Variants in GGNBP2 observed in about 807,000 individuals in gnomAD.
GGNBP2 encodes the protein gametogenetin-binding protein 2.
In GGNBP2, 10 loss-of-function variants were observed where a neutral mutation model predicts 85.9. The observed-to-expected ratio is 0.12, with a 90% CI of 0.07 to 0.20. The LOEUF is 0.20. Among genes scored for constraint, GGNBP2 ranks in the 10% least tolerant of loss-of-function variants. GGNBP2 has a pLI of 1.00. For synonymous variants in GGNBP2, 287 were observed against 285.7 expected, an observed-to-expected ratio of 1.00 and a Z score of -0.05; for missense variants, 595 against 857.8, an observed-to-expected ratio of 0.69 and a Z score of 3.83.
At chr17:36,548,887 G>A (rs1361928587) in intron 2 of GGNBP2, among the ~76,000 whole-genome samples, 1 of 151,938 alleles carries the variant, frequency 6.6e-6, no homozygotes, top group Non-Finnish European at 1.5e-5. Context: ...GGAGGTTGCA[G>A]TGAGCCAAGA....
At chr17:36,546,066 C>T (rs2074251426) in intron 2 of GGNBP2, 1 of 477,594 alleles carries the variant, frequency 2.1e-6, no homozygotes, top group South Asian at 3.9e-5. Context: ...AACCTTATTC[C>T]TTGACCCTTT....
At chr17:36,569,933 A>G (rs2074506572) in intron 6 of GGNBP2, among the ~76,000 whole-genome samples, 1 of 152,332 alleles carries the variant, frequency 6.6e-6, no homozygotes, top group South Asian at 2.1e-4. Context: ...CATTTTACAG[A>G]TATCTTAACG....
Position 36,545,710 on chromosome 17 carries a change from G to A in GGNBP2, c.-15G>A, listed in dbSNP as rs778076105. The stretch of plus-strand genomic sequence containing the variant: ...GGAGGAGGTGGTGACGGTGGCAACG[G>A]CAGCGTCGGGGACGATGGCGCGACT... On this transcript the variant is annotated 5_prime_UTR_variant, in exon 2 of 14. Transcript: ENST00000613102. 3 of 1,558,250 alleles carry A rather than the reference G, an allele frequency of 1.9e-6. No homozygotes were observed. Among genetic ancestry groups the A allele is most frequent in the South Asian group, 2.4e-5 (2 of 84,814 alleles).
intron 4 of GGNBP2, among the ~76,000 whole-genome samples, chr17:36,558,724 C>G (rs942814706): frequency 6.6e-6 from 1 of 151,042 alleles, no homozygotes; most frequent in Non-Finnish European, 1.5e-5. Flanking sequence ...CCAAAGTGCT[C>G]GGATTACAGG....
At chr17:36,579,512 TC>T in intron 8 of GGNBP2, 93 bp downstream of exon 8, 1 of 1,053,568 alleles carries the variant, frequency 9.5e-7, no homozygotes, top group Non-Finnish European at 1.4e-6. Context: ...AAAAGGACTG[TC>T]CATCACTGAT....
chr17:36,560,169 G>T (rs950400403), intron 4 of GGNBP2, among the ~76,000 whole-genome samples: 1 of 151,830 alleles, frequency 6.6e-6, no homozygotes, highest in East Asian at 1.9e-4. Flanking sequence ...TGTTACCCAG[G>T]CTGGCTTTGA....
intron 6 of GGNBP2, among the ~76,000 whole-genome samples, chr17:36,575,897 T>G (rs1387585274): frequency 6.7e-6 from 1 of 150,030 alleles, no homozygotes; most frequent in Non-Finnish European, 1.5e-5. Flanking sequence ...TCCACCCGCC[T>G]TTGCCTCCCA....
At chr17:36,566,335 G>A (rs1001290278) in intron 5 of GGNBP2, among the ~76,000 whole-genome samples, 1 of 152,142 alleles carries the variant, frequency 6.6e-6, no homozygotes, top group African/African-American at 2.4e-5. Flanking sequence ...GTTGGGGAGG[G>A]AGAGTGGGAA....
Position 36,589,709 on chromosome 17 carries a change from T to C in GGNBP2, c.*298T>C, listed in dbSNP as rs779306471. 3 of 396,122 alleles carry C rather than the reference T, an allele frequency of 7.6e-6. No individual in the cohort carries two copies. The highest frequency in any genetic ancestry group is 4.5e-6 in the Non-Finnish European group (1 of 220,412). 24.5% of individuals were successfully genotyped at this position (396,122 alleles called of 1,614,324 possible). On this transcript the variant is annotated 3_prime_UTR_variant, in exon 14 of 14. Transcript: ENST00000613102. ...GTGGCAAAAAGTAATGTTGTACTTATAATTCTGTACAGAAATGACAATGAG... is the reference window on the plus strand; with the variant it reads ...GTGGCAAAAAGTAATGTTGTACTTACAATTCTGTACAGAAATGACAATGAG...
chr17:36,556,945 T>C, intron 3 of GGNBP2, 138 bp from the exon 4 acceptor site: 1 of 931,090 alleles, frequency 1.1e-6, no homozygotes. Context: ...ACTTTGCCTT[T>C]CTGACTCAGT....
At chr17:36,574,777 G>A (rs1033111853) in intron 6 of GGNBP2, 22 of 647,160 alleles carry the variant, frequency 3.4e-5, no homozygotes, top group African/African-American at 7.2e-5. Context: ...GCACAGAGCC[G>A]TGGTGGCCTG....
chr17:36,579,596 A>T (rs2074625576), intron 8 of GGNBP2, among the ~76,000 whole-genome samples, 177 bp downstream of exon 8: 1 of 152,184 alleles, frequency 6.6e-6, no homozygotes, highest in African/African-American at 2.4e-5. Context: ...GGGAACTGGG[A>T]TTTAGAAGAA....
chr17:36,569,328 C>G (rs2074499853), intron 6 of GGNBP2, among the ~76,000 whole-genome samples: 2 of 152,144 alleles, frequency 1.3e-5, no homozygotes, highest in African/African-American at 4.8e-5. Flanking sequence ...AGGTGAATTG[C>G]TTGAAACCAG....
At chr17:36,545,386 A>G (rs1599487276) in intron 1 of GGNBP2, 1 of 234,078 alleles carries the variant, frequency 4.3e-6, no homozygotes, top group East Asian at 6.7e-5. Context: ...TCTCCTTTGG[A>G]CCCTGACTGG....
chr17:36,584,800 A>G (rs2074684358), intron 9 of GGNBP2, among the ~76,000 whole-genome samples: 1 of 152,078 alleles, frequency 6.6e-6, no homozygotes, highest in African/African-American at 2.4e-5. Context: ...CTACAAAGGA[A>G]TAAAAAAATT....
intron 4 of GGNBP2, among the ~76,000 whole-genome samples, chr17:36,559,808 G>A (rs1391501926): frequency 6.6e-6 from 1 of 151,898 alleles, no homozygotes; most frequent in Non-Finnish European, 1.5e-5. Context: ...TTCTAGATTG[G>A]TTAATTTTTA....
At chr17:36,559,980 G>A (rs891108679) in intron 4 of GGNBP2, among the ~76,000 whole-genome samples, 5 of 152,026 alleles carry the variant, frequency 3.3e-5, no homozygotes, top group South Asian at 2.1e-4. Context: ...GATTACAGGC[G>A]TGCACCACCA....
rs773195438 is a variant in GGNBP2, at chr17:36,586,045, T to C, written c.1493-5T>C. ...ATAAATAAGAAGGATTATTGATTTC[T>C]GCAGGTGATGACTCTTGTGTTCATC... On this transcript the variant is annotated splice_region_variant and splice_polypyrimidine_tract_variant and intron_variant, in intron 11 of 13. Transcript: ENST00000613102. The C allele has an allele frequency of 1.2e-6, 2 of 1,613,902 alleles. No individual in the cohort carries two copies. Among genetic ancestry groups the C allele is most frequent in the South Asian group, 2.2e-5 (2 of 91,052 alleles).
At position 36,546,055 on chromosome 17, in the gene GGNBP2, G is replaced by A. The variant is rs1184820631; in HGVS notation, c.93+238G>A. The A allele has an allele frequency of 8.0e-6, 4 of 499,034 alleles. No homozygotes were observed. In the South Asian group the frequency reaches 1.3e-4, roughly 16 times the overall value. The allele number at this position is 499,034 out of a possible 1,614,324, so 30.9% of individuals were successfully genotyped here. A position where few individuals can be genotyped will look rare whatever the true frequency, so the allele number is the denominator to read the frequency against. On this transcript the variant is annotated intron_variant, in intron 2 of 13. Transcript: ENST00000613102. ...CTCTCTCCAGATTTTCCTTCTTTTGGAACCTTATTCCTTGACCCTTTCCCT... is the reference window on the plus strand; with the variant it reads ...CTCTCTCCAGATTTTCCTTCTTTTGAAACCTTATTCCTTGACCCTTTCCCT...
Sources: gnomAD v4.1 joint callset for allele counts (sites outside exome capture counted in the v4.1 genomes callset) on GRCh38, gnomAD v4.1.1 for gene constraint, MANE v1.5 for transcripts, NCBI Gene and HGNC (gene_info 2026-07-23, HGNC 2026-07-21) for gene names.